The following BFSP1 variants were observed in gnomAD, a reference collection of about 807,000 sequenced individuals.
BFSP1 encodes beaded filament structural protein 1.
Under a neutral mutation model 43.9 loss-of-function variants are expected in BFSP1, and 38 were observed. The ratio of observed to expected loss-of-function variants is 0.87; its 90% CI spans 0.67 to 1.14. The LOEUF is 1.14. Ranked by LOEUF, BFSP1 falls within the 50% of genes most tolerant of loss-of-function variation. BFSP1 has a pLI of 0.00. For synonymous variants in BFSP1, 352 were observed against 354.8 expected, an observed-to-expected ratio of 0.99 and a Z score of 0.09; for missense variants, 850 against 875.1, an observed-to-expected ratio of 0.97 and a Z score of 0.36.
At chr20:17,521,054 TTTCCTCAAGA>T (rs59272302) in intron 2 of BFSP1, among the ~76,000 whole-genome samples, 50,782 of 151,844 alleles carry the variant, frequency 0.33, 8,582 homozygotes, top group Middle Eastern at 0.38. Flanking sequence ...CTGCTTACAG[TTTCCTCAAGA>T]TAAGCAAATC....
At chr20:17,500,601 T>A (rs888067169) in intron 5 of BFSP1, among the ~76,000 whole-genome samples, 1 of 152,260 alleles carries the variant, frequency 6.6e-6, no homozygotes, top group Non-Finnish European at 1.5e-5. Flanking sequence ...TACTGGTTTA[T>A]GTATTTACGA....
At chr20:17,499,759 TA>T (rs2033750475) in intron 5 of BFSP1, among the ~76,000 whole-genome samples, 1 of 151,940 alleles carries the variant, frequency 6.6e-6, no homozygotes, top group African/African-American at 2.4e-5. Context: ...CCATCTCTAC[TA>T]AAAATACAAA....
intron 1 of BFSP1, among the ~76,000 whole-genome samples, chr20:17,538,154 G>A (rs1489887324): frequency 1.3e-5 from 2 of 151,484 alleles, no homozygotes; most frequent in Non-Finnish European, 2.9e-5. Context: ...GAAAGGAAAG[G>A]AAAGGAAAGG....
At chr20:17,513,770 G>A (rs1402029518) in intron 3 of BFSP1, among the ~76,000 whole-genome samples, 1 of 152,268 alleles carries the variant, frequency 6.6e-6, no homozygotes, top group Non-Finnish European at 1.5e-5. Context: ...GACGGGTGGA[G>A]TGGGAAAGTG....
intron 1 of BFSP1, among the ~76,000 whole-genome samples, chr20:17,551,934 G>A (rs139553555): frequency 6.6e-4 from 100 of 151,278 alleles, no homozygotes; most frequent in African/African-American, 2.2e-3. Flanking sequence ...GCAGTGAGCC[G>A]AGATCACACC....
chr20:17,530,765 C>T (rs2034515990), intron 1 of BFSP1, among the ~76,000 whole-genome samples, 188 bp downstream of exon 1: 1 of 152,222 alleles, frequency 6.6e-6, no homozygotes, highest in African/African-American at 2.4e-5. Context: ...TAAACTGTGA[C>T]GTGCCATCAA....
chr20:17,557,909 A>G (rs2035020037), intron 1 of BFSP1, among the ~76,000 whole-genome samples: 1 of 152,158 alleles, frequency 6.6e-6, no homozygotes, highest in Admixed American at 6.5e-5. Flanking sequence ...TTGGGTATGA[A>G]TTTTAGTCTA....
intron 1 of BFSP1, among the ~76,000 whole-genome samples, chr20:17,540,511 C>G (rs908485168): frequency 6.6e-6 from 1 of 152,106 alleles, no homozygotes; most frequent in East Asian, 1.9e-4. Context: ...AGTTAAGGTC[C>G]CCCGCTGTTT....
At chr20:17,520,210 G>GCGCCCCCCCCCCCCC (rs201615265) in intron 2 of BFSP1, among the ~76,000 whole-genome samples, 5 of 133,354 alleles carry the variant, frequency 3.7e-5, no homozygotes, top group African/African-American at 1.2e-4. Context: ...GTTTTAACGT[G>GCGCCCCCCCCCCCCC]CCCCCCCACC....
At chr20:17,523,585 G>A (rs575841598) in intron 2 of BFSP1, among the ~76,000 whole-genome samples, 35 of 150,952 alleles carry the variant, frequency 2.3e-4, no homozygotes, top group African/African-American at 6.6e-4. Context: ...GCCAACTATT[G>A]AGCGTGTGTC....
At position 17,544,988 on chromosome 20, in the gene BFSP1, C is replaced by A. The variant is rs1422698575; in HGVS notation, c.2+13700G>T. Among the ~76,000 whole-genome samples the A allele has an allele frequency of 2.6e-5, 4 of 152,310 alleles. No homozygotes were observed. The East Asian group carries it at 5.8e-4, about 22-fold the overall frequency. ...CCCAAGCTGAGAAATGTATCTGTTA[C>A]ATAATCTGATCATTTGTGTTCTTGT... On this transcript the variant is annotated intron_variant, in intron 1 of 7. Transcript: ENST00000377868.
Position 17,531,118 on chromosome 20 carries a change from T to G in BFSP1, c.212A>C (p.Gln71Pro), listed in dbSNP as rs966180206. Reference sequence around the variant, plus strand: ...GCCCAGGCGCTGGAAGGCATCCAGCTGCCTCCGGAGCCCGGCATGGCGCTG... The same window carrying G: ...GCCCAGGCGCTGGAAGGCATCCAGCGGCCTCCGGAGCCCGGCATGGCGCTG... The part of the protein sequence containing the change: ...LEQRHAGLRR[Q>P]LDAFQRLGEL... The change falls in exon 1 of 8, where the codon CAG becomes CCG. Residue 71 changes from glutamine (Q) to proline (P), a missense_variant. Coordinates refer to ENST00000377873, the MANE Select transcript of BFSP1 (RefSeq NM_001195.5). 128 of 1,337,886 alleles carry G rather than the reference T, an allele frequency of 9.6e-5. No individual in the cohort carries two copies. The highest frequency in any genetic ancestry group is 1.2e-4 in the Non-Finnish European group (124 of 1,047,660). The allele number at this position is 1,337,886 out of a possible 1,614,324, so 82.9% of individuals were successfully genotyped here.
rs1334233542 is a variant in BFSP1 at position 17,507,541 on chromosome 20, G to A, written c.735+1348C>T. Reference sequence around the variant, plus strand: ...GGACCACGACTGGGCTTGTATCCACGTCCCTATTCACATACACAGCACACA... The same window carrying A: ...GGACCACGACTGGGCTTGTATCCACATCCCTATTCACATACACAGCACACA... On this transcript the variant is annotated intron_variant, in intron 5 of 7. Transcript: ENST00000377873. This position sits in a 1 kb window ranked among gnomAD's most constrained non-coding sequence, Gnocchi z 4.4. 6.6e-6 allele frequency among the ~76,000 whole-genome samples: 1 copy of A among 151,594 alleles called. No homozygotes were observed. The highest frequency in any genetic ancestry group is 1.9e-4 in the East Asian group (1 of 5,180).
In BFSP1 at chr20:17,530,962, A is replaced by T. The variant is rs2034520463; in HGVS notation, c.368T>A (p.Phe123Tyr). Reference sequence around the variant, plus strand: ...GATGGCCGCCGCTTACTTGCTTCGGAACTCGTCGAGCGCGCGCTGCGCCTC... The same window carrying T: ...GATGGCCGCCGCTTACTTGCTTCGGTACTCGTCGAGCGCGCGCTGCGCCTC... Reference protein sequence around the residue: ...GTEAQRALDEFRSKYENECEC... With the variant: ...GTEAQRALDEYRSKYENECEC... Residue 123 changes from phenylalanine (F) to tyrosine (Y), a missense_variant, in exon 1 of 8, where the codon TTC (phenylalanine) becomes TAC (tyrosine). Coordinates refer to ENST00000377873, the MANE Select transcript of BFSP1 (RefSeq NM_001195.5). 1 of 1,436,302 alleles carries T rather than the reference A, an allele frequency of 7.0e-7. No individual in the cohort carries two copies. The highest frequency in any genetic ancestry group is 1.5e-5 in the African/African-American group (1 of 67,516). The allele number at this position is 1,436,302 out of a possible 1,614,324, so 89.0% of individuals were successfully genotyped here. A position where few individuals can be genotyped will look rare whatever the true frequency, so the allele number is the denominator to read the frequency against.
intron 1 of BFSP1, among the ~76,000 whole-genome samples, chr20:17,546,568 G>C (rs1163386437): frequency 6.6e-6 from 1 of 152,140 alleles, no homozygotes; most frequent in South Asian, 2.1e-4. Context: ...TGGGTGTGGT[G>C]GTGCACACCT....
chr20:17,518,248 T>C (rs780661198), intron 2 of BFSP1, among the ~76,000 whole-genome samples: 12 of 152,202 alleles, frequency 7.9e-5, no homozygotes, highest in African/African-American at 2.7e-4. Flanking sequence ...TCCAGGACAC[T>C]GAACTGTCCA....
chr20:17,502,077 C>A, intron 5 of BFSP1, among the ~76,000 whole-genome samples: 1 of 152,194 alleles, frequency 6.6e-6, no homozygotes, highest in South Asian at 2.1e-4. Flanking sequence ...GAAAAGGAGA[C>A]GGAGAGCGGC....
chr20:17,515,490 T>C (rs1182121271), intron 2 of BFSP1, among the ~76,000 whole-genome samples: 1 of 152,236 alleles, frequency 6.6e-6, no homozygotes, highest in East Asian at 1.9e-4. Flanking sequence ...GTTTTGTGAA[T>C]AGCATTTGTT....
intron 2 of BFSP1, among the ~76,000 whole-genome samples, chr20:17,521,264 C>G (rs1192878174): frequency 6.6e-6 from 1 of 152,310 alleles, no homozygotes; most frequent in Non-Finnish European, 1.5e-5. Context: ...AAGTGCACAG[C>G]AAAGAGTGGC....
Sources: allele counts gnomAD v4.1 joint callset (sites outside exome capture counted in the v4.1 genomes callset), GRCh38; gene constraint gnomAD v4.1.1; non-coding constraint Gnocchi (gnomAD v3.1); transcripts MANE v1.5; gene names NCBI Gene and HGNC (gene_info 2026-07-23, HGNC 2026-07-21).